GRID2: variants seen among roughly 807,000 people sequenced by gnomAD.
The protein encoded by GRID2 is glutamate ionotropic receptor delta type subunit 2.
GRID2 carries 33 observed loss-of-function variants against 114.8 expected under a neutral mutation model. That is an observed-to-expected ratio of 0.29 (90% CI 0.22 to 0.38). The LOEUF is 0.38. GRID2 is among the 10% of genes least tolerant of loss of function. GRID2 has a pLI of 1.00. For missense variants in GRID2, 1,184 were observed against 1,257.7 expected, an observed-to-expected ratio of 0.94 and a Z score of 0.89; for synonymous variants, 505 against 449.9, an observed-to-expected ratio of 1.12 and a Z score of -1.55.
intron 1 of GRID2, among the ~76,000 whole-genome samples, chr4:92,384,818 GA>G: frequency 6.7e-6 from 1 of 148,266 alleles, no homozygotes; most frequent in Non-Finnish European, 1.5e-5. Flanking sequence ...TGAAACAATG[GA>G]AAAACGCTTG....
intron 8 of GRID2, chr4:93,258,938 C>G (rs2149545323): frequency 2.2e-6 from 1 of 455,316 alleles, no homozygotes; most frequent in African/African-American, 2.0e-5. Context: ...GAAAATCTGG[C>G]CCCAGGTGAG....
rs550182624 is a variant in GRID2, at chr4:93,393,779, A to G, written c.1246-1828A>G. 1.7e-4 allele frequency among the ~76,000 whole-genome samples: 26 copies of G among 152,190 alleles called. No individual in the cohort carries two copies. The East Asian group carries it at 5.0e-3, about 29-fold the overall frequency. On this transcript the variant is annotated intron_variant, in intron 8 of 15. Coordinates refer to ENST00000282020, the MANE Select transcript of GRID2 (RefSeq NM_001510.4). The stretch of plus-strand genomic sequence containing the variant: ...TGACTACTCAATACACCAAAATGGT[A>G]CAGTCAAGTTGGTGCTAATAGATGT...
chr4:93,309,511 C>T (rs1755782126), intron 8 of GRID2, among the ~76,000 whole-genome samples: 2 of 151,876 alleles, frequency 1.3e-5, no homozygotes, highest in Admixed American at 1.3e-4. Flanking sequence ...GCACTCCAGC[C>T]TTGGTGACAG....
chr4:92,987,932 G>GACA (rs1392373332), intron 2 of GRID2, among the ~76,000 whole-genome samples: 3 of 152,062 alleles, frequency 2.0e-5, no homozygotes, highest in Non-Finnish European at 2.9e-5. Flanking sequence ...TGAGATGTTT[G>GACA]AGGGATTTCA....
rs1030742922 is a variant in GRID2 at position 93,726,239 on chromosome 4, G to A, written c.2361-42971G>A. ...TTTCCCAGCACCATTTATTAAATAG[G>A]GCATCCTTCCCCCATTGGTTGTTTT... On this transcript the variant is annotated intron_variant, in intron 14 of 15. Coordinates refer to ENST00000282020, the MANE Select transcript of GRID2 (RefSeq NM_001510.4). Among the ~76,000 whole-genome samples the A allele has an allele frequency of 2.0e-5, 3 of 152,056 alleles. No homozygotes were observed. In the East Asian group the frequency reaches 5.8e-4, roughly 29 times the overall value.
chr4:93,349,053 T>A (rs1760528071), intron 8 of GRID2, among the ~76,000 whole-genome samples: 1 of 152,114 alleles, frequency 6.6e-6, no homozygotes, highest in South Asian at 2.1e-4. Flanking sequence ...CTTCGCTTGA[T>A]AGATGCAGTC....
intron 8 of GRID2, among the ~76,000 whole-genome samples, chr4:93,308,878 A>G (rs899744887): frequency 2.0e-5 from 3 of 152,200 alleles, no homozygotes; most frequent in Non-Finnish European, 4.4e-5. Context: ...TGATATCACT[A>G]TAACTTTAAG....
At chr4:93,144,987 C>A (rs1224003433) in intron 4 of GRID2, among the ~76,000 whole-genome samples, 1 of 152,138 alleles carries the variant, frequency 6.6e-6, no homozygotes, top group African/African-American at 2.4e-5. Context: ...CCTTTACCGA[C>A]CTGATTTCTG....
chr4:93,175,797 G>A (rs529150834), intron 4 of GRID2, among the ~76,000 whole-genome samples: 2 of 152,276 alleles, frequency 1.3e-5, no homozygotes, highest in East Asian at 3.9e-4. Context: ...ATATGTAAAA[G>A]TTTAGTTCAA....
chr4:93,713,727 A>G (rs1182817503), intron 14 of GRID2, among the ~76,000 whole-genome samples: 2 of 152,128 alleles, frequency 1.3e-5, no homozygotes, highest in African/African-American at 4.8e-5. Flanking sequence ...TTACTTTACA[A>G]TCCTCAAGAG....
chr4:92,488,278 C>A (rs1478425306), intron 1 of GRID2, among the ~76,000 whole-genome samples: 3 of 152,106 alleles, frequency 2.0e-5, no homozygotes, highest in Admixed American at 2.0e-4. Flanking sequence ...GAATAATCTA[C>A]AAAATTATAA....
chr4:93,131,701 A>G (rs1319236886), intron 4 of GRID2, among the ~76,000 whole-genome samples: 1 of 152,072 alleles, frequency 6.6e-6, no homozygotes, highest in African/African-American at 2.4e-5. Flanking sequence ...TAAGGATACA[A>G]TCTGTAATGA....
chr4:93,551,443 C>T (rs1733743378), intron 13 of GRID2, among the ~76,000 whole-genome samples: 2 of 152,038 alleles, frequency 1.3e-5, no homozygotes, highest in Non-Finnish European at 2.9e-5. Context: ...GCAGAAAAGG[C>T]CCTGAAGTGA....
At chr4:92,495,394 T>C (rs1723339306) in intron 1 of GRID2, among the ~76,000 whole-genome samples, 1 of 151,944 alleles carries the variant, frequency 6.6e-6, no homozygotes, top group African/African-American at 2.4e-5. Flanking sequence ...AGAAATAAGG[T>C]AGAGGATCTC....
At chr4:93,586,272 G>C (rs1737533878) in intron 13 of GRID2, among the ~76,000 whole-genome samples, 1 of 151,882 alleles carries the variant, frequency 6.6e-6, no homozygotes, top group South Asian at 2.1e-4. Context: ...CTCATACTCA[G>C]GACTTATCTG....
intron 2 of GRID2, among the ~76,000 whole-genome samples, chr4:92,887,164 C>G (rs544259575): frequency 6.6e-6 from 1 of 152,174 alleles, no homozygotes; most frequent in East Asian, 1.9e-4. Context: ...TATTTCCCAT[C>G]CTGGAGGTCT....
intron 9 of GRID2, among the ~76,000 whole-genome samples, chr4:93,398,505 T>G (rs1424787413): frequency 2.0e-5 from 3 of 151,848 alleles, no homozygotes; most frequent in Non-Finnish European, 4.4e-5. Flanking sequence ...TTGAAAATGC[T>G]TACGTCTGAA....
rs1357678410 is a variant in GRID2, at chr4:93,002,971, T to C, written c.245-82024T>C. ...CTTTTCCTTCCATCTTCACGTCTCC[T>C]AATTGTTTTTATGTTGTCAGATCTC... On this transcript the variant is annotated intron_variant, in intron 2 of 15. Coordinates refer to ENST00000282020, the MANE Select transcript of GRID2 (RefSeq NM_001510.4). 3.3e-5 allele frequency among the ~76,000 whole-genome samples: 5 copies of C among 151,896 alleles called. No homozygotes were observed. In the East Asian group the frequency reaches 9.7e-4, roughly 29 times the overall value.
chr4:93,495,043 G>A (rs1181818170), intron 12 of GRID2, among the ~76,000 whole-genome samples: 1 of 151,714 alleles, frequency 6.6e-6, no homozygotes, highest in Admixed American at 6.6e-5. Context: ...GAATCAAACT[G>A]GTCTTTGGTG....
Sources: gnomAD v4.1 joint callset for allele counts (sites outside exome capture counted in the v4.1 genomes callset) on GRCh38, gnomAD v4.1.1 for gene constraint, MANE v1.5 for transcripts, NCBI Gene and HGNC (gene_info 2026-07-23, HGNC 2026-07-21) for gene names.